Variants in PLA2G4E observed in about 807,000 individuals in gnomAD.
PLA2G4E encodes phospholipase A2 group IVE, also known as cytosolic phospholipase A2 epsilon.
PLA2G4E carries 84 observed loss-of-function variants against 109.1 expected under a neutral mutation model. That is an observed-to-expected ratio of 0.77 (90% CI 0.65 to 0.92). PLA2G4E has a LOEUF of 0.92. PLA2G4E is among the 40% of genes least tolerant of loss of function. The pLI is 0.00. For synonymous variants in PLA2G4E, 469 were observed against 436.1 expected, an observed-to-expected ratio of 1.08 and a Z score of -0.94; for missense variants, 1,057 against 1,076.6, an observed-to-expected ratio of 0.98 and a Z score of 0.25.
Position 42,010,139 on chromosome 15 carries a change from C to CCT in PLA2G4E, c.257-2275_257-2274insAG, listed in dbSNP as rs267604201. 25 of 476,824 alleles carry CCT rather than the reference C, an allele frequency of 5.2e-5. 2 individuals carry two copies. The highest frequency in any genetic ancestry group is 2.6e-4 in the African/African-American group (12 of 45,322). 29.5% of individuals were successfully genotyped at this position (476,824 alleles called of 1,614,324 possible). A position where few individuals can be genotyped will look rare whatever the true frequency, so the allele number is the denominator to read the frequency against. On this transcript the variant is annotated intron_variant, in intron 2 of 19. Transcript: ENST00000399518. ...GGCTTTTCCAGAACACTGGCCCCCC[C>CCT]ACCCCGGGCCTGGACCACACCCTTC...
At chr15:41,988,463 G>C (rs572656995) in intron 15 of PLA2G4E, among the ~76,000 whole-genome samples, 53 of 152,302 alleles carry the variant, frequency 3.5e-4, no homozygotes, top group African/African-American at 1.3e-3. Context: ...TCCAGCTGCT[G>C]TCAGTGAATA....
chr15:42,010,291 T>C, intron 2 of PLA2G4E: 1 of 376,624 alleles, frequency 2.7e-6, no homozygotes, highest in South Asian at 2.4e-5. Context: ...TAAAATTGTT[T>C]TCCTGTCATT....
Position 41,989,490 on chromosome 15 carries a change from C to A in PLA2G4E, c.1648G>T (p.Glu550Ter), listed in dbSNP as rs776726076. The A allele has an allele frequency of 6.2e-7, 1 of 1,613,944 alleles. No homozygotes were observed. The change falls in exon 15 of 20, where the codon GAG becomes TAG. Residue 550 changes from glutamate to a stop codon, truncating the protein, a stop_gained. Coordinates refer to ENST00000399518, the Ensembl canonical transcript of PLA2G4E. LOFTEE classifies it high-confidence loss of function. ...ATGAAGAACTCGGAGCCGAAGAGCT[C>A]GGAGGGGATGAAGGCCCCATACTTC...
chr15:41,996,558 C>T (rs1340259208), intron 11 of PLA2G4E, among the ~76,000 whole-genome samples: 2 of 152,150 alleles, frequency 1.3e-5, no homozygotes, highest in Admixed American at 1.3e-4. Context: ...TTGCCTGCTG[C>T]CCAGGCGAGT....
At chr15:42,038,727 G>T (rs917634857) in intron 1 of PLA2G4E, among the ~76,000 whole-genome samples, 1 of 152,140 alleles carries the variant, frequency 6.6e-6, no homozygotes, top group Non-Finnish European at 1.5e-5. Flanking sequence ...AGCAGTGTGC[G>T]GGCAGGGAGT....
At chr15:42,036,460 G>A (rs1889217321) in intron 1 of PLA2G4E, among the ~76,000 whole-genome samples, 1 of 152,154 alleles carries the variant, frequency 6.6e-6, no homozygotes, top group African/African-American at 2.4e-5. Flanking sequence ...CAGCCAGCGG[G>A]GCAGCCATTG....
intron 4 of PLA2G4E, among the ~76,000 whole-genome samples, 159 bp downstream of exon 4, chr15:42,005,831 A>G (rs1370309642): frequency 6.6e-6 from 1 of 152,238 alleles, no homozygotes; most frequent in African/African-American, 2.4e-5. Flanking sequence ...ACGACATCAC[A>G]TAGTGAGTGA....
At chr15:42,018,014 G>A (rs544829302) in intron 1 of PLA2G4E, among the ~76,000 whole-genome samples, 10 of 152,208 alleles carry the variant, frequency 6.6e-5, no homozygotes, top group South Asian at 6.2e-4. Context: ...GGACTGGGAA[G>A]GGGGTTTGAG....
chr15:42,011,978 A>T (rs2068540621), intron 2 of PLA2G4E, among the ~76,000 whole-genome samples: 1 of 152,206 alleles, frequency 6.6e-6, no homozygotes, highest in Non-Finnish European at 1.5e-5. Context: ...GACCCCAAGA[A>T]GCTTGAGGAA....
At position 42,033,652 on chromosome 15, in the gene PLA2G4E, C is replaced by T. The variant is rs926815617; in HGVS notation, c.183+16869G>A. On this transcript the variant is annotated intron_variant, in intron 1 of 19. Coordinates refer to ENST00000399518, the Ensembl canonical transcript of PLA2G4E. The stretch of plus-strand genomic sequence containing the variant: ...CTGGTTTCTGTCATCTGGGCAGCAC[C>T]TGGGTGAGGCTGAACACATGGATGA... Among the ~76,000 whole-genome samples, 6 of 152,252 alleles carry T rather than the reference C, an allele frequency of 3.9e-5. No homozygotes were observed. In the South Asian group the frequency reaches 8.3e-4, roughly 21 times the overall value.
At chr15:42,000,030 G>A in intron 8 of PLA2G4E, 30 bp from the exon 9 acceptor site, 1 of 1,589,802 alleles carries the variant, frequency 6.3e-7, no homozygotes, top group Non-Finnish European at 8.6e-7. Context: ...CTGTGAGAGG[G>A]GCTGGGGAGC....
chr15:42,002,555 A>G, intron 6 of PLA2G4E, 99 bp downstream of exon 6: 1 of 1,349,458 alleles, frequency 7.4e-7, no homozygotes, highest in Non-Finnish European at 1.0e-6. Flanking sequence ...TAGGACAGAG[A>G]CCAAGCTGGG....
At chr15:41,994,944 C>T (rs1478013401) in intron 12 of PLA2G4E, among the ~76,000 whole-genome samples, 1 of 152,246 alleles carries the variant, frequency 6.6e-6, no homozygotes, top group African/African-American at 2.4e-5. Context: ...CAGCCCCTGG[C>T]CCTGCTCACC....
chr15:42,013,628 G>A, intron 2 of PLA2G4E, 57 bp downstream of exon 2: 2 of 1,486,538 alleles, frequency 1.3e-6, no homozygotes, highest in South Asian at 1.2e-5. Flanking sequence ...TCCAGCCAGG[G>A]CCTCTTCCAT....
chr15:42,006,391 A>G (rs973432756), intron 3 of PLA2G4E, among the ~76,000 whole-genome samples: 1 of 152,186 alleles, frequency 6.6e-6, no homozygotes, highest in African/African-American at 2.4e-5. Flanking sequence ...CAAGCTTGGT[A>G]GAGACCTGTG....
intron 12 of PLA2G4E, among the ~76,000 whole-genome samples, chr15:41,993,273 T>A (rs1164749134): frequency 6.6e-6 from 1 of 152,232 alleles, no homozygotes; most frequent in Non-Finnish European, 1.5e-5. Flanking sequence ...AGCTGTGTGA[T>A]CTTGGGCAAG....
At chr15:42,040,696 CAAAAGATAT>C (rs1051305597) in intron 1 of PLA2G4E, among the ~76,000 whole-genome samples, 1 of 152,206 alleles carries the variant, frequency 6.6e-6, no homozygotes, top group Admixed American at 6.5e-5. Flanking sequence ...TAAAAACTGA[CAAAAGATAT>C]AAACAGGCAA....
intron 1 of PLA2G4E, among the ~76,000 whole-genome samples, chr15:42,017,491 G>A (rs529164432): frequency 2.0e-5 from 3 of 152,286 alleles, no homozygotes; most frequent in South Asian, 2.1e-4. Flanking sequence ...ACCGCCCCAC[G>A]AAGCAGTTAT....
At chr15:42,041,481 G>A (rs765602026) in intron 1 of PLA2G4E, among the ~76,000 whole-genome samples, 4 of 152,094 alleles carry the variant, frequency 2.6e-5, no homozygotes, top group African/African-American at 4.8e-5. Flanking sequence ...AGGAGCAGAC[G>A]AGCCTCCTGG....
Sources: gnomAD v4.1 joint callset for allele counts (sites outside exome capture counted in the v4.1 genomes callset) on GRCh38, gnomAD v4.1.1 for gene constraint, MANE v1.5 for transcripts, NCBI Gene and HGNC (gene_info 2026-07-23, HGNC 2026-07-21) for gene names.